The following NEK11 variants were observed in gnomAD, a reference collection of about 807,000 sequenced individuals.
NEK11 encodes the protein serine/threonine-protein kinase Nek11.
In NEK11, 72 loss-of-function variants were observed where a neutral mutation model predicts 80.7. That is an observed-to-expected ratio of 0.89 (90% CI 0.74 to 1.08). The LOEUF (loss-of-function observed/expected upper bound fraction) is 1.08. Ranked by LOEUF, NEK11 falls within the 50% of genes least tolerant of loss-of-function variation. NEK11 has a pLI of 0.00. For synonymous variants in NEK11, 251 were observed against 260.7 expected, an observed-to-expected ratio of 0.96 and a Z score of 0.36; for missense variants, 764 against 763.6, an observed-to-expected ratio of 1.00 and a Z score of -0.01.
intron 17 of NEK11, among the ~76,000 whole-genome samples, chr3:131,331,534 C>G (rs1235179177): frequency 6.6e-6 from 1 of 152,328 alleles, no homozygotes; most frequent in African/African-American, 2.4e-5. Flanking sequence ...GTGAGCGACG[C>G]AGAATACGGG....
intron 14 of NEK11, among the ~76,000 whole-genome samples, chr3:131,200,854 G>A (rs967882801): frequency 6.6e-6 from 1 of 152,168 alleles, no homozygotes; most frequent in Admixed American, 6.5e-5. Context: ...TCAGTGATTG[G>A]CTTTCTGTGC....
intron 17 of NEK11, among the ~76,000 whole-genome samples, chr3:131,296,101 A>G (rs1037310498): frequency 6.6e-6 from 1 of 152,116 alleles, no homozygotes; most frequent in African/African-American, 2.4e-5. Flanking sequence ...TTGGCCTCCC[A>G]AATTGCTGGG....
At chr3:131,281,089 C>A (rs2096388536) in intron 17 of NEK11, among the ~76,000 whole-genome samples, 1 of 152,234 alleles carries the variant, frequency 6.6e-6, no homozygotes, top group African/African-American at 2.4e-5. Context: ...AGCTGAATCA[C>A]ACTGTATGTG....
At chr3:131,204,013 G>T (rs968746316) in intron 14 of NEK11, among the ~76,000 whole-genome samples, 1 of 151,794 alleles carries the variant, frequency 6.6e-6, no homozygotes, top group Admixed American at 6.6e-5. Context: ...AAGAGATGCT[G>T]CATAGAGAGG....
chr3:131,194,447 A>G (rs1187416017), intron 14 of NEK11, among the ~76,000 whole-genome samples: 1 of 152,140 alleles, frequency 6.6e-6, no homozygotes, highest in African/African-American at 2.4e-5. Flanking sequence ...GGTGTTTTCA[A>G]TAGGATCCTA....
At chr3:131,291,513 C>T (rs917186684) in intron 17 of NEK11, among the ~76,000 whole-genome samples, 2 of 152,026 alleles carry the variant, frequency 1.3e-5, no homozygotes, top group Non-Finnish European at 2.9e-5. Context: ...CAAAATAAAA[C>T]AAGAAATCCT....
At chr3:131,304,706 T>C (rs1364351451) in intron 17 of NEK11, among the ~76,000 whole-genome samples, 6 of 152,154 alleles carry the variant, frequency 3.9e-5, no homozygotes, top group Non-Finnish European at 8.8e-5. Context: ...CTGAGCTTTG[T>C]TCTCTGGACC....
intron 14 of NEK11, among the ~76,000 whole-genome samples, chr3:131,211,244 C>A (rs2094602653): frequency 6.6e-6 from 1 of 152,150 alleles, no homozygotes; most frequent in Non-Finnish European, 1.5e-5. Context: ...CTTAGTTTGG[C>A]TGGATATGAA....
At chr3:131,211,351 G>T (rs1560992582) in intron 14 of NEK11, among the ~76,000 whole-genome samples, 1 of 152,164 alleles carries the variant, frequency 6.6e-6, no homozygotes, top group Non-Finnish European at 1.5e-5. Flanking sequence ...TTAGTCTGAT[G>T]GGCTTCCCTT....
At chr3:131,121,701 C>G (rs1398167055) in intron 5 of NEK11, among the ~76,000 whole-genome samples, 1 of 152,202 alleles carries the variant, frequency 6.6e-6, no homozygotes, top group South Asian at 2.1e-4. Flanking sequence ...GCCCCTCCCC[C>G]AGCCTCGCTG....
chr3:131,216,759 T>C (rs776818711), intron 14 of NEK11, among the ~76,000 whole-genome samples: 3 of 152,228 alleles, frequency 2.0e-5, no homozygotes, highest in African/African-American at 7.2e-5. Context: ...GTCCATATTC[T>C]TCTCTGGCTT....
intron 17 of NEK11, among the ~76,000 whole-genome samples, chr3:131,304,690 C>T (rs1351351544): frequency 6.6e-6 from 1 of 152,120 alleles, no homozygotes; most frequent in African/African-American, 2.4e-5. Flanking sequence ...AGGCTGGTAC[C>T]AGTGCCTGAG....
At chr3:131,032,683 G>A (rs1336438946) in intron 3 of NEK11, among the ~76,000 whole-genome samples, 1 of 152,168 alleles carries the variant, frequency 6.6e-6, no homozygotes, top group Non-Finnish European at 1.5e-5. Context: ...TCTACATTCT[G>A]TACATTCCTA....
intron 17 of NEK11, among the ~76,000 whole-genome samples, chr3:131,334,881 A>C (rs2097155303): frequency 6.6e-6 from 1 of 152,238 alleles, no homozygotes; most frequent in African/African-American, 2.4e-5. Flanking sequence ...GAAATGGATA[A>C]ATTCCTTGAC....
intron 3 of NEK11, among the ~76,000 whole-genome samples, chr3:131,030,763 C>T (rs1406848955): frequency 6.6e-6 from 1 of 152,208 alleles, no homozygotes; most frequent in East Asian, 1.9e-4. Flanking sequence ...ACCCTCTACA[C>T]TTTCATAGTA....
intron 3 of NEK11, among the ~76,000 whole-genome samples, chr3:131,058,170 C>G (rs1328025446): frequency 6.6e-6 from 1 of 152,092 alleles, no homozygotes; most frequent in Non-Finnish European, 1.5e-5. Flanking sequence ...GCTTGTTTTT[C>G]TCAGGTTTGT....
In NEK11 at chr3:131,241,911, C is replaced by T. The variant is rs181580354; in HGVS notation, c.1561-1525C>T. The stretch of plus-strand genomic sequence containing the variant: ...GGTATTTATTTTCTTTGATAATTTT[C>T]TATATTTTCCAGATTAAAAATAAAT... On this transcript the variant is annotated intron_variant, in intron 15 of 17. Transcript: ENST00000383366. Among the ~76,000 whole-genome samples the T allele has an allele frequency of 7.8e-3, 1,189 of 151,964 alleles. 6 individuals are homozygous for T. The highest frequency in any genetic ancestry group is 0.012 in the Non-Finnish European group (841 of 67,948).
intron 14 of NEK11, among the ~76,000 whole-genome samples, chr3:131,173,145 C>T (rs1214664130): frequency 6.6e-6 from 1 of 152,150 alleles, no homozygotes; most frequent in East Asian, 1.9e-4. Flanking sequence ...TTCAGTCGAG[C>T]AGCTCATGCC....
intron 2 of NEK11, among the ~76,000 whole-genome samples, 178 bp downstream of exon 2, chr3:131,028,180 CT>C (rs1179879365): frequency 6.6e-6 from 1 of 152,186 alleles, no homozygotes. Flanking sequence ...ACTAATCTCA[CT>C]GGTATTAGGT....
Sources: gnomAD v4.1 joint callset for allele counts (sites outside exome capture counted in the v4.1 genomes callset) on GRCh38, gnomAD v4.1.1 for gene constraint, MANE v1.5 for transcripts, NCBI Gene and HGNC (gene_info 2026-07-23, HGNC 2026-07-21) for gene names.